PIEZO2: variants seen among roughly 807,000 people sequenced by gnomAD.
PIEZO2 encodes piezo type mechanosensitive ion channel component 2.
Under a neutral mutation model 337.3 loss-of-function variants are expected in PIEZO2, and 172 were observed. That is an observed-to-expected ratio of 0.51 (90% CI 0.45 to 0.58). PIEZO2 has a LOEUF of 0.58. Among genes scored for constraint, PIEZO2 ranks in the 20% least tolerant of loss-of-function variants. The pLI is 0.00. For synonymous variants in PIEZO2, 1,251 were observed against 1,228.5 expected, an observed-to-expected ratio of 1.02 and a Z score of -0.38; for missense variants, 3,028 against 3,391.3, an observed-to-expected ratio of 0.89 and a Z score of 2.66.
At chr18:11,065,667 C>T (rs1346042803) in intron 2 of PIEZO2, among the ~76,000 whole-genome samples, 3 of 152,124 alleles carry the variant, frequency 2.0e-5, no homozygotes, top group East Asian at 1.9e-4. Context: ...AACTAATGTA[C>T]GAAGTTATGG....
rs2036461318 is a variant in PIEZO2 at position 10,724,772 on chromosome 18, CA to C, written c.5030-6514del. ...TCCCTGGCCTTGCCCGTGGCTCTGG[CA>C]GTCCCCCCAGCACTGCAGCCCCAGC... On this transcript the variant is annotated intron_variant, in intron 36 of 55. Coordinates refer to ENST00000674853, the MANE Select transcript of PIEZO2 (RefSeq NM_001378183.1). The surrounding 1 kb of genome is among the most constrained non-coding windows in gnomAD (Gnocchi z 5.8). 20 of 1,568,364 alleles carry C rather than the reference CA, an allele frequency of 1.3e-5. No homozygotes were observed. The highest frequency in any genetic ancestry group is 1.5e-5 in the Non-Finnish European group (17 of 1,155,544).
intron 16 of PIEZO2, 67 bp from the exon 17 acceptor site, chr18:10,785,024 A>G: frequency 6.9e-7 from 1 of 1,449,892 alleles, no homozygotes; most frequent in African/African-American, 1.4e-5. Flanking sequence ...ACTCTTTGTG[A>G]TAAACTACAT....
chr18:10,791,314 G>C lies in PIEZO2; in HGVS notation c.1769C>G (p.Thr590Ser). The C allele has an allele frequency of 6.6e-7, 1 of 1,510,794 alleles. No homozygotes were observed. Among genetic ancestry groups the C allele is most frequent in the African/African-American group, 1.4e-5 (1 of 71,636 alleles). 93.6% of individuals were successfully genotyped at this position (1,510,794 alleles called of 1,614,324 possible). A position where few individuals can be genotyped will look rare whatever the true frequency, so the allele number is the denominator to read the frequency against. ...CCTCAGCAGTAGCCAAAAAGTAATGGTGAAAAGGATCTGAAAGTAGAGAAG... is the reference window on the plus strand; with the variant it reads ...CCTCAGCAGTAGCCAAAAAGTAATGCTGAAAAGGATCTGAAAGTAGAGAAG... Reference protein sequence around the residue: ...PGELASKILFTITFWLLLRQH... With the variant: ...PGELASKILFSITFWLLLRQH... Residue 590 changes from threonine (T) to serine (S), a missense_variant, in exon 14 of 56, where the codon ACC becomes AGC. Physicochemically the swap from Thr to Ser is moderately conservative, Grantham distance 58 (BLOSUM62 1). Transcript: ENST00000674853.
At chr18:10,885,860 G>A (rs929099001) in intron 4 of PIEZO2, among the ~76,000 whole-genome samples, 1 of 152,182 alleles carries the variant, frequency 6.6e-6, no homozygotes, top group Admixed American at 6.5e-5. Context: ...CAGATGACTA[G>A]CAGAAGCTGG....
intron 3 of PIEZO2, among the ~76,000 whole-genome samples, chr18:10,966,290 T>C (rs147795636): frequency 1.3e-5 from 2 of 152,282 alleles, no homozygotes; most frequent in Non-Finnish European, 2.9e-5. Context: ...TCTTCCTTAA[T>C]ATCTCCCCAC....
Position 11,048,761 on chromosome 18 carries a change from A to G in PIEZO2, c.160+17366T>C, listed in dbSNP as rs1239405376. On this transcript the variant is annotated intron_variant, in intron 2 of 55. Coordinates refer to ENST00000674853, the MANE Select transcript of PIEZO2 (RefSeq NM_001378183.1). This position sits in a 1 kb window ranked among gnomAD's most constrained non-coding sequence, Gnocchi z 4.5. ...ATAATACTATACCTGTCTCATGGGT[A>G]TGGAAGCATTAAATGAATTACTATG... is the stretch of plus-strand genomic sequence containing the variant. 1.3e-5 allele frequency among the ~76,000 whole-genome samples: 2 copies of G among 152,246 alleles called. No individual in the cohort carries two copies. The highest frequency in any genetic ancestry group is 2.4e-5 in the African/African-American group (1 of 41,466).
chr18:10,952,474 G>T lies in PIEZO2; in HGVS notation c.286+27061C>A, dbSNP rs914505503. 6.6e-6 allele frequency among the ~76,000 whole-genome samples: 1 copy of T among 152,110 alleles called. No homozygotes were observed. The highest frequency in any genetic ancestry group is 2.4e-5 in the African/African-American group (1 of 41,424). ...TGTAAATATAATCATATAGTATGTAGCATTCTGATACTGTCTGAATTCACT... is the reference window on the plus strand; with the variant it reads ...TGTAAATATAATCATATAGTATGTATCATTCTGATACTGTCTGAATTCACT... On this transcript the variant is annotated intron_variant, in intron 3 of 55. Coordinates refer to ENST00000674853, the MANE Select transcript of PIEZO2 (RefSeq NM_001378183.1). The surrounding 1 kb of genome is among the most constrained non-coding windows in gnomAD (Gnocchi z 4.1).
In PIEZO2 at chr18:10,878,177, T is replaced by G. The variant is rs1472851104; in HGVS notation, c.330-6762A>C. Among the ~76,000 whole-genome samples the G allele has an allele frequency of 1.3e-5, 2 of 152,240 alleles. No individual in the cohort carries two copies. The highest frequency in any genetic ancestry group is 2.9e-5 in the Non-Finnish European group (2 of 68,040). ...TCTGCCTAACAGAAGCCCTTGCCTGTTTCATCTGTTTCCCTGGGGACCAGC... is the reference window on the plus strand; with the variant it reads ...TCTGCCTAACAGAAGCCCTTGCCTGGTTCATCTGTTTCCCTGGGGACCAGC... On this transcript the variant is annotated intron_variant, in intron 4 of 55. Transcript: ENST00000674853. This position sits in a 1 kb window ranked among gnomAD's most constrained non-coding sequence, Gnocchi z 4.3.
At chr18:11,108,865 A>C (rs908596448) in intron 1 of PIEZO2, among the ~76,000 whole-genome samples, 7 of 152,146 alleles carry the variant, frequency 4.6e-5, no homozygotes, top group Admixed American at 6.5e-5. Flanking sequence ...CCAGCACATC[A>C]GTAAAAAAAT....
At position 10,736,619 on chromosome 18, in the gene PIEZO2, T is replaced by G. The variant is rs2037005780; in HGVS notation, c.4800A>C (p.Arg1600=). The G allele has an allele frequency of 2.6e-6, 4 of 1,537,226 alleles. No individual in the cohort carries two copies. The highest frequency in any genetic ancestry group is 3.5e-6 in the Non-Finnish European group (4 of 1,146,886). The part of the protein sequence containing the change: ...ELKKEDEEPP[R]RSAFQRAIGK... The stretch of plus-strand genomic sequence containing the variant: ...CCATAATTACCTGGAATGCTGACCT[T>G]CGTGGAGGTTCTTCATCTTCCTTCT... The change falls in exon 34 of 56, where the codon CGA becomes CGC. Residue 1600 remains arginine, a synonymous_variant. Coordinates refer to ENST00000674853, the MANE Select transcript of PIEZO2 (RefSeq NM_001378183.1).
Position 10,979,876 on chromosome 18 carries a change from T to A in PIEZO2, c.161-216A>T, listed in dbSNP as rs1457425540. Among the ~76,000 whole-genome samples, 1 of 152,208 alleles carries A rather than the reference T, an allele frequency of 6.6e-6. No homozygotes were observed. Among genetic ancestry groups the A allele is most frequent in the Non-Finnish European group, 1.5e-5 (1 of 68,022 alleles). On this transcript the variant is annotated intron_variant, in intron 2 of 55. Coordinates refer to ENST00000674853, the MANE Select transcript of PIEZO2 (RefSeq NM_001378183.1). The surrounding 1 kb of genome is among the most constrained non-coding windows in gnomAD (Gnocchi z 4.0). Reference sequence around the variant, plus strand: ...GGGTTTATATTTATTAAAAATTCACTGTAAAAGAAGGATAATTTCCTATTT... The same window carrying A: ...GGGTTTATATTTATTAAAAATTCACAGTAAAAGAAGGATAATTTCCTATTT...
intron 3 of PIEZO2, among the ~76,000 whole-genome samples, chr18:10,963,614 A>C (rs2033879243): frequency 6.6e-6 from 1 of 152,214 alleles, no homozygotes; most frequent in Non-Finnish European, 1.5e-5. Context: ...GACTTAATTC[A>C]TGGTAGAGTG....
At chr18:10,723,517 GGTTTT>G (rs951157283) in intron 36 of PIEZO2, among the ~76,000 whole-genome samples, 1 of 152,126 alleles carries the variant, frequency 6.6e-6, no homozygotes, top group African/African-American at 2.4e-5. Flanking sequence ...TACTAGTGAG[GGTTTT>G]GTTTTGTTTT....
In PIEZO2 at chr18:10,857,003, G is replaced by T; in HGVS notation, c.701C>A (p.Ser234Ter). 6.5e-7 allele frequency: 1 copy of T among 1,537,168 alleles called. No individual in the cohort carries two copies. The highest frequency in any genetic ancestry group is 8.7e-7 in the Non-Finnish European group (1 of 1,146,874). ...CAGCCAGTGTGGGAGACACTCACCCGAGGAGCCCAGTAAGATGGTAACAAC... is the reference window on the plus strand; with the variant it reads ...CAGCCAGTGTGGGAGACACTCACCCTAGGAGCCCAGTAAGATGGTAACAAC... The part of the protein sequence containing the change: ...KVVVTILLGS[S>*]GMMLPSLTSS... Residue 234 changes from serine to a stop codon, truncating the protein, a stop_gained and splice_region_variant, in exon 6 of 56, where the codon TCG (serine) becomes TAG (stop). Coordinates refer to ENST00000674853, the MANE Select transcript of PIEZO2 (RefSeq NM_001378183.1). LOFTEE classifies it high-confidence loss of function.
chr18:10,827,190 G>T (rs1165314770), intron 7 of PIEZO2, among the ~76,000 whole-genome samples: 2 of 152,062 alleles, frequency 1.3e-5, no homozygotes, highest in Non-Finnish European at 2.9e-5. Context: ...AAGGAAGAAG[G>T]CTTTCAATTT....
chr18:10,802,157 A>C (rs2039847028), intron 9 of PIEZO2, among the ~76,000 whole-genome samples: 1 of 151,992 alleles, frequency 6.6e-6, no homozygotes, highest in Non-Finnish European at 1.5e-5. Flanking sequence ...AGATTATTTT[A>C]AGATTTGCAT....
intron 1 of PIEZO2, among the ~76,000 whole-genome samples, chr18:11,141,499 A>G (rs2040645130): frequency 6.6e-6 from 1 of 152,216 alleles, no homozygotes; most frequent in Non-Finnish European, 1.5e-5. Context: ...TGCGGGGCGC[A>G]CAGAATGTAG....
In PIEZO2 at chr18:10,819,766, A is replaced by C. The variant is rs752602565; in HGVS notation, c.918-12492T>G. The stretch of plus-strand genomic sequence containing the variant: ...TAGAAAAAAGGTGAATCTCATTTCA[A>C]GAGCTTGTAATTTGTAGAGCTAAGC... On this transcript the variant is annotated intron_variant, in intron 7 of 55. Transcript: ENST00000674853. This position sits in a 1 kb window ranked among gnomAD's most constrained non-coding sequence, Gnocchi z 4.3. Among the ~76,000 whole-genome samples the C allele has an allele frequency of 1.1e-4, 16 of 152,224 alleles. No homozygotes were observed. The highest frequency in any genetic ancestry group is 1.9e-4 in the Non-Finnish European group (13 of 68,040).
At chr18:10,848,588 C>T (rs529629666) in intron 7 of PIEZO2, among the ~76,000 whole-genome samples, 1 of 152,142 alleles carries the variant, frequency 6.6e-6, no homozygotes, top group African/African-American at 2.4e-5. Flanking sequence ...TCCTTCCCAC[C>T]CTTCATTTTG....
Sources: gnomAD v4.1 joint callset for allele counts (sites outside exome capture counted in the v4.1 genomes callset) on GRCh38, gnomAD v4.1.1 for gene constraint, Gnocchi (gnomAD v3.1) non-coding constraint, MANE v1.5 for transcripts, NCBI Gene and HGNC (gene_info 2026-07-23, HGNC 2026-07-21) for gene names.